Variants in DLG2 observed in about 807,000 individuals in gnomAD.
DLG2 encodes the protein discs large MAGUK scaffold protein 2.
A neutral mutation model predicts 132.5 loss-of-function variants in DLG2; 45 were observed. The ratio of observed to expected loss-of-function variants is 0.34; its 90% confidence interval spans 0.27 to 0.44. DLG2 has a LOEUF of 0.44. DLG2 is among the 20% of genes least tolerant of loss of function. The pLI is 1.00. For missense variants in DLG2, 1,045 were observed against 1,196.9 expected (o/e 0.87, Z 1.87); for synonymous variants, 424 against 419.6 (o/e 1.01, Z -0.13).
chr11:85,358,615 A>G (rs1364281122), intron 3 of DLG2, among the ~76,000 whole-genome samples: 6 of 152,220 alleles, frequency 3.9e-5, no homozygotes, highest in Non-Finnish European at 4.4e-5. Flanking sequence ...AATTTAGCAC[A>G]TGCTATATAT....
intron 3 of DLG2, among the ~76,000 whole-genome samples, chr11:85,424,138 G>C (rs1229665380): frequency 1.3e-5 from 2 of 152,172 alleles, no homozygotes; most frequent in Admixed American, 1.3e-4. Flanking sequence ...CACTGACTCA[G>C]CTCCAGGTAA....
chr11:84,969,894 A>T (rs921175235), intron 6 of DLG2, among the ~76,000 whole-genome samples: 45 of 152,202 alleles, frequency 3.0e-4, no homozygotes, highest in Admixed American at 8.5e-4. Flanking sequence ...GGAAACCATC[A>T]TTCTCAGCAA....
intron 6 of DLG2, among the ~76,000 whole-genome samples, chr11:84,766,761 T>C (rs890079839): frequency 6.6e-6 from 1 of 152,178 alleles, no homozygotes; most frequent in South Asian, 2.1e-4. Flanking sequence ...GATGGTTAAA[T>C]AGAAATAGCC....
chr11:83,879,771 G>T (rs2065692426), intron 15 of DLG2, among the ~76,000 whole-genome samples: 1 of 152,102 alleles, frequency 6.6e-6, no homozygotes, highest in African/African-American at 2.4e-5. Flanking sequence ...TGTGTTAGGT[G>T]CTTGGGATGA....
intron 6 of DLG2, among the ~76,000 whole-genome samples, chr11:85,066,903 T>A (rs1380842716): frequency 2.0e-5 from 3 of 151,790 alleles, no homozygotes; most frequent in African/African-American, 7.2e-5. Context: ...CCACTTCTAT[T>A]TAACACAGTA....
intron 6 of DLG2, among the ~76,000 whole-genome samples, chr11:85,002,082 C>G (rs555669053): frequency 1.3e-5 from 2 of 152,232 alleles, no homozygotes; most frequent in African/African-American, 4.8e-5. Flanking sequence ...AATAGATAGT[C>G]AGTGTTGAAA....
intron 18 of DLG2, among the ~76,000 whole-genome samples, chr11:83,671,366 T>C (rs1254788136): frequency 6.6e-6 from 1 of 152,228 alleles, no homozygotes; most frequent in Non-Finnish European, 1.5e-5. Flanking sequence ...GAATCACACA[T>C]CCTGATGTAG....
At chr11:84,916,379 A>AAAAAAG (rs2092470191) in intron 6 of DLG2, among the ~76,000 whole-genome samples, 1 of 146,664 alleles carries the variant, frequency 6.8e-6, no homozygotes, top group Non-Finnish European at 1.5e-5. Context: ...AAAAAAAAAA[A>AAAAAAG]GAAGCAGTAA....
intron 11 of DLG2, among the ~76,000 whole-genome samples, chr11:84,043,737 C>G (rs371840198): frequency 9.3e-4 from 141 of 151,760 alleles, no homozygotes; most frequent in African/African-American, 3.4e-3. Flanking sequence ...ATAATTATCT[C>G]AAGCTTTGCT....
At chr11:84,813,040 T>C (rs2076730932) in intron 6 of DLG2, among the ~76,000 whole-genome samples, 1 of 152,126 alleles carries the variant, frequency 6.6e-6, no homozygotes, top group Admixed American at 6.6e-5. Flanking sequence ...TGATGTTTAA[T>C]AGGAAGGCTG....
rs970581377 is a variant in DLG2, at chr11:83,553,583, C to A, written c.1941-11725G>T. 2.8e-4 allele frequency among the ~76,000 whole-genome samples: 43 copies of A among 151,148 alleles called. 2 individuals are homozygous for A. The highest frequency in any genetic ancestry group is 5.9e-5 in the Non-Finnish European group (4 of 67,952). ...TATTGTAAGTCACTTGGAATCACCT[C>A]ATCATTCTCTTCTCTTCTTGTACAC... On this transcript the variant is annotated intron_variant, in intron 19 of 27. Transcript: ENST00000376104.
At chr11:84,529,995 G>A (rs760606187) in intron 7 of DLG2, among the ~76,000 whole-genome samples, 12 of 151,960 alleles carry the variant, frequency 7.9e-5, no homozygotes, top group Non-Finnish European at 1.3e-4. Context: ...GCTGCACACC[G>A]ACGATTATCT....
At chr11:83,564,377 C>A (rs891856264) in intron 19 of DLG2, among the ~76,000 whole-genome samples, 10 of 152,294 alleles carry the variant, frequency 6.6e-5, no homozygotes, top group African/African-American at 2.4e-4. Context: ...AGTCTTGCCT[C>A]TGTCCCTGAC....
chr11:85,573,841 A>G (rs1443530278), intron 3 of DLG2, among the ~76,000 whole-genome samples: 2 of 152,200 alleles, frequency 1.3e-5, no homozygotes, highest in Non-Finnish European at 2.9e-5. Flanking sequence ...AGCTAAATTC[A>G]TGTGTGTTAA....
intron 7 of DLG2, among the ~76,000 whole-genome samples, chr11:84,269,303 A>C (rs1349713918): frequency 1.3e-5 from 2 of 152,266 alleles, no homozygotes; most frequent in Admixed American, 6.5e-5. Context: ...AAAGGTATTT[A>C]ATAAGCATTC....
At chr11:84,424,789 C>T (rs1172015806) in intron 7 of DLG2, among the ~76,000 whole-genome samples, 1 of 151,926 alleles carries the variant, frequency 6.6e-6, no homozygotes, top group Non-Finnish European at 1.5e-5. Flanking sequence ...AATCAAAGCA[C>T]GTGTGTTTTA....
At chr11:84,357,168 C>G (rs1305174195) in intron 7 of DLG2, among the ~76,000 whole-genome samples, 4 of 152,000 alleles carry the variant, frequency 2.6e-5, no homozygotes, top group Non-Finnish European at 4.4e-5. Context: ...TGGATGTCTT[C>G]TTAAAAAGAT....
chr11:83,640,172 G>A (rs553530298), intron 18 of DLG2, among the ~76,000 whole-genome samples: 1 of 152,246 alleles, frequency 6.6e-6, no homozygotes, highest in Admixed American at 6.5e-5. Flanking sequence ...CTTTCCTGCT[G>A]AGTTATCCAT....
chr11:84,865,633 A>C (rs1445867447), intron 6 of DLG2, among the ~76,000 whole-genome samples: 1 of 152,208 alleles, frequency 6.6e-6, no homozygotes, highest in African/African-American at 2.4e-5. Context: ...TTTTAAATTA[A>C]TTTTAAGTTA....
Sources: gnomAD v4.1 joint callset for allele counts (sites outside exome capture counted in the v4.1 genomes callset) on GRCh38, gnomAD v4.1.1 for gene constraint, MANE v1.5 for transcripts, NCBI Gene and HGNC (gene_info 2026-07-23, HGNC 2026-07-21) for gene names.